MEIS1: variants seen among roughly 807,000 people sequenced by gnomAD.
MEIS1 encodes the protein homeobox protein Meis1.
Under a neutral mutation model 50.8 loss-of-function variants are expected in MEIS1, and 5 were observed. The ratio of observed to expected loss-of-function variants is 0.10; its 90% CI spans 0.05 to 0.21. The LOEUF is 0.21. Among genes scored for constraint, MEIS1 ranks in the 10% least tolerant of loss-of-function variants. The pLI is 1.00. For missense variants in MEIS1, 318 were observed against 517.3 expected, an observed-to-expected ratio of 0.61 and a Z score of 3.74; for synonymous variants, 176 against 179.3, an observed-to-expected ratio of 0.98 and a Z score of 0.15.
At chr2:66,550,714 T>G (rs1572897719) in intron 9 of MEIS1, among the ~76,000 whole-genome samples, 1 of 152,130 alleles carries the variant, frequency 6.6e-6, no homozygotes, top group Admixed American at 6.6e-5. Flanking sequence ...CCCAGGCTGG[T>G]CTCTAACTCC....
intron 7 of MEIS1, among the ~76,000 whole-genome samples, chr2:66,472,017 TTTA>T (rs1477990959): frequency 6.6e-6 from 1 of 152,202 alleles, no homozygotes; most frequent in African/African-American, 2.4e-5. Flanking sequence ...TAATTCAGTT[TTTA>T]TGTAAGGCCT....
At chr2:66,442,876 AT>A in intron 5 of MEIS1, 25 bp from the exon 6 acceptor site, 2 of 1,567,532 alleles carry the variant, frequency 1.3e-6, no homozygotes, top group Non-Finnish European at 8.6e-7. Context: ...TTATATTCCC[AT>A]TTTTTTATTT....
chr2:66,440,843 GT>G, intron 4 of MEIS1: 3 of 569,902 alleles, frequency 5.3e-6, no homozygotes, highest in Non-Finnish European at 9.3e-6. Context: ...GCGAGCTTTT[GT>G]TTTTTATGAC....
intron 9 of MEIS1, among the ~76,000 whole-genome samples, chr2:66,550,468 TTTGTTTTG>T (rs1018736138): frequency 4.3e-3 from 3 of 702 alleles, no homozygotes; most frequent in Admixed American, 0.12. Context: ...CTCTTCCTGT[TTTGTTTTG>T]TTTTGTTTTG....
chr2:66,536,360 C>T (rs1558554694), intron 8 of MEIS1, among the ~76,000 whole-genome samples: 1 of 152,150 alleles, frequency 6.6e-6, no homozygotes, highest in Non-Finnish European at 1.5e-5. Context: ...CCAGGGTCTG[C>T]ATTTTAAGAG....
At chr2:66,457,531 A>G (rs778078539) in intron 6 of MEIS1, among the ~76,000 whole-genome samples, 1 of 152,206 alleles carries the variant, frequency 6.6e-6, no homozygotes, top group Non-Finnish European at 1.5e-5. Flanking sequence ...ATTTCTCTGC[A>G]TATGGATCTC....
chr2:66,550,256 T>C (rs940910866), intron 9 of MEIS1, among the ~76,000 whole-genome samples: 4 of 152,200 alleles, frequency 2.6e-5, no homozygotes, highest in African/African-American at 9.7e-5. Context: ...TGTATATATA[T>C]GGAGTTAGAA....
chr2:66,572,194 A>T lies in MEIS1; in HGVS notation c.*986A>T, dbSNP rs1236271103. ...GCAGTGTCTTAAGGAGACTGGTAGG[A>T]GGAGGCATGGAAACCAAAAGGCCGT... is the stretch of plus-strand genomic sequence containing the variant. On this transcript the variant is annotated 3_prime_UTR_variant, in exon 13 of 13. Transcript: ENST00000272369. 1 of 152,312 alleles carries T rather than the reference A, an allele frequency of 6.6e-6. No homozygotes were observed. Among genetic ancestry groups the T allele is most frequent in the Non-Finnish European group, 1.5e-5 (1 of 68,124 alleles). The allele number at this position is 152,312 out of a possible 1,614,324, so 9.4% of individuals were successfully genotyped here. A position where few individuals can be genotyped will look rare whatever the true frequency, so the allele number is the denominator to read the frequency against.
At chr2:66,436,218 A>G (rs934600994) in intron 1 of MEIS1, among the ~76,000 whole-genome samples, 3 of 152,220 alleles carry the variant, frequency 2.0e-5, no homozygotes, top group Non-Finnish European at 2.9e-5. Flanking sequence ...TTAAACTAAA[A>G]TATGCAGCTG....
chr2:66,498,213 G>T (rs903494560), intron 7 of MEIS1, among the ~76,000 whole-genome samples: 1 of 152,016 alleles, frequency 6.6e-6, no homozygotes, highest in Non-Finnish European at 1.5e-5. Flanking sequence ...ACTCACATTC[G>T]CTGAGCTAAG....
At chr2:66,444,707 C>T (rs1328709941) in intron 6 of MEIS1, among the ~76,000 whole-genome samples, 1 of 152,198 alleles carries the variant, frequency 6.6e-6, no homozygotes, top group Non-Finnish European at 1.5e-5. Flanking sequence ...CCAGCCCTGG[C>T]CCGGGAGCTG....
chr2:66,532,484 G>A (rs1674417673), intron 8 of MEIS1, among the ~76,000 whole-genome samples: 1 of 151,894 alleles, frequency 6.6e-6, no homozygotes, highest in African/African-American at 2.4e-5. Context: ...TTAAAATAGG[G>A]GTAAACACTC....
At chr2:66,453,273 C>T (rs920380360) in intron 6 of MEIS1, among the ~76,000 whole-genome samples, 4 of 151,838 alleles carry the variant, frequency 2.6e-5, no homozygotes, top group Non-Finnish European at 4.4e-5. Flanking sequence ...TTCAATAATC[C>T]AAATACTCTG....
chr2:66,558,300 A>G (rs1466342914), intron 9 of MEIS1, among the ~76,000 whole-genome samples: 2 of 149,640 alleles, frequency 1.3e-5, no homozygotes, highest in African/African-American at 2.4e-5. Context: ...AAAAAAAAAA[A>G]AAAAGAAAAA....
chr2:66,512,033 G>A (rs773107768), intron 7 of MEIS1, 116 bp from the exon 8 acceptor site: 327 of 1,191,396 alleles, frequency 2.7e-4, no homozygotes, highest in Admixed American at 3.3e-4. Flanking sequence ...CAGTACCAAA[G>A]AAACTATTAA....
At chr2:66,482,288 G>A (rs139249385) in intron 7 of MEIS1, among the ~76,000 whole-genome samples, 8 of 152,130 alleles carry the variant, frequency 5.3e-5, no homozygotes, top group Middle Eastern at 3.4e-3. Context: ...GCCCACCCTC[G>A]TTCATTTGTG....
chr2:66,487,904 G>T (rs1370860301), intron 7 of MEIS1, among the ~76,000 whole-genome samples: 1 of 152,170 alleles, frequency 6.6e-6, no homozygotes, highest in Admixed American at 6.5e-5. Context: ...GGTCAGTTAA[G>T]TTCCACATAA....
intron 7 of MEIS1, among the ~76,000 whole-genome samples, chr2:66,469,877 C>A (rs1558529989): frequency 6.6e-6 from 1 of 151,918 alleles, no homozygotes; most frequent in East Asian, 1.9e-4. Context: ...GCTGTCACTG[C>A]AGCTTTTCAG....
At chr2:66,449,869 T>C (rs554346237) in intron 6 of MEIS1, among the ~76,000 whole-genome samples, 1 of 152,300 alleles carries the variant, frequency 6.6e-6, no homozygotes, top group South Asian at 2.1e-4. Flanking sequence ...GACTTCTTGG[T>C]TCAGAGTTTC....
Sources: gnomAD v4.1 joint callset for allele counts (sites outside exome capture counted in the v4.1 genomes callset) on GRCh38, gnomAD v4.1.1 for gene constraint, MANE v1.5 for transcripts, NCBI Gene and HGNC (gene_info 2026-07-23, HGNC 2026-07-21) for gene names.